MECOM: variants seen among roughly 807,000 people sequenced by gnomAD.
The protein encoded by MECOM is MDS1 and EVI1 complex locus.
MECOM carries 13 observed loss-of-function variants against 116.3 expected under a neutral mutation model. That is an observed-to-expected ratio of 0.11 (90% CI 0.07 to 0.18). The LOEUF (loss-of-function observed/expected upper bound fraction) is 0.18. MECOM is among the 10% of genes least tolerant of loss of function. MECOM has a pLI of 1.00. For missense variants in MECOM, 1,299 were observed against 1,509.0 expected (o/e 0.86, Z 2.31); for synonymous variants, 528 against 535.2 (o/e 0.99, Z 0.19).
intron 1 of MECOM, among the ~76,000 whole-genome samples, chr3:169,573,260 G>T (rs1764133565): frequency 6.6e-6 from 1 of 152,192 alleles, no homozygotes; most frequent in Non-Finnish European, 1.5e-5. Flanking sequence ...TCCATGCCTT[G>T]TTCGGAAGAA....
chr3:169,394,184 G>C (rs1332237534), intron 1 of MECOM, among the ~76,000 whole-genome samples: 3 of 152,092 alleles, frequency 2.0e-5, no homozygotes, highest in Non-Finnish European at 2.9e-5. Context: ...TAACAACTAT[G>C]ATCCAACATA....
rs1251037633 is a variant in MECOM at position 169,089,133 on chromosome 3, C to T, written c.3452G>A (p.Arg1151Lys). 2 of 1,598,402 alleles carry T rather than the reference C, an allele frequency of 1.3e-6. No homozygotes were observed. The highest frequency in any genetic ancestry group is 1.7e-6 in the Non-Finnish European group (2 of 1,173,416). ...CATTTTGAGGCTATCTGTGAAGTGC[C>T]TTATATGATCTAGAGCAGAAAGTCC... ...KSGLSALDHI[R>K]HFTDSLKMRK... Residue 1151 changes from arginine to lysine, a missense_variant, in exon 16 of 17, where the codon AGG (arginine) becomes AAG (lysine). Physicochemically the swap from Arg to Lys is conservative, Grantham distance 26. Around this residue, in one of 6 missense-constraint regions of MECOM, gnomAD observed 273 missense variants for 289.3 expected, o/e 0.94. Coordinates refer to ENST00000651503, the MANE Select transcript of MECOM (RefSeq NM_004991.4).
intron 1 of MECOM, among the ~76,000 whole-genome samples, chr3:169,405,724 G>T (rs530688808): frequency 1.3e-5 from 2 of 152,236 alleles, no homozygotes; most frequent in African/African-American, 4.8e-5. Context: ...GTACTTAACT[G>T]TTCCCCTTCC....
chr3:169,527,499 C>T (rs773571143), intron 1 of MECOM, among the ~76,000 whole-genome samples: 21 of 152,194 alleles, frequency 1.4e-4, no homozygotes, highest in Non-Finnish European at 2.5e-4. Context: ...TTAATCTAAA[C>T]GTGATGGCTT....
intron 1 of MECOM, among the ~76,000 whole-genome samples, chr3:169,528,945 A>G (rs1758268523): frequency 6.6e-6 from 1 of 152,244 alleles, no homozygotes; most frequent in East Asian, 1.9e-4. Context: ...CTTTAAGAGC[A>G]TCTCTTAAAT....
At chr3:169,312,687 T>A (rs965010047) in intron 2 of MECOM, among the ~76,000 whole-genome samples, 4 of 151,894 alleles carry the variant, frequency 2.6e-5, no homozygotes, top group Non-Finnish European at 5.9e-5. Flanking sequence ...CAACTCCAAT[T>A]TTTTTTTACC....
intron 1 of MECOM, among the ~76,000 whole-genome samples, chr3:169,436,705 C>T (rs1742722095): frequency 6.6e-6 from 1 of 152,082 alleles, no homozygotes; most frequent in African/African-American, 2.4e-5. Context: ...CAGTAACTAA[C>T]ACATAATTAG....
chr3:169,361,940 A>T (rs568977910), intron 2 of MECOM, among the ~76,000 whole-genome samples: 6 of 151,878 alleles, frequency 4.0e-5, no homozygotes, highest in Non-Finnish European at 4.4e-5. Flanking sequence ...CTCTTAAAAC[A>T]AAGCTTTGGT....
At chr3:169,146,563 A>C in intron 2 of MECOM, 2 of 1,376,262 alleles carry the variant, frequency 1.5e-6, no homozygotes, top group South Asian at 1.1e-5. Context: ...TTAGCAACGT[A>C]GATAAGCAGC....
intron 1 of MECOM, among the ~76,000 whole-genome samples, chr3:169,546,618 C>A (rs1485962153): frequency 1.3e-5 from 2 of 152,182 alleles, no homozygotes; most frequent in African/African-American, 4.8e-5. Flanking sequence ...TGCAGCTCTC[C>A]TGGTAGTGTG....
At chr3:169,492,550 T>A (rs1753223284) in intron 1 of MECOM, among the ~76,000 whole-genome samples, 1 of 152,160 alleles carries the variant, frequency 6.6e-6, no homozygotes, top group African/African-American at 2.4e-5. Context: ...CAAAATAATA[T>A]TAAAGATCAA....
At chr3:169,604,001 C>CT (rs1281522850) in intron 1 of MECOM, among the ~76,000 whole-genome samples, 3 of 152,086 alleles carry the variant, frequency 2.0e-5, no homozygotes, top group African/African-American at 7.2e-5. Flanking sequence ...GCCCTGGATT[C>CT]TTTAGGGACA....
At chr3:169,157,301 C>T (rs958823040) in intron 2 of MECOM, among the ~76,000 whole-genome samples, 5 of 152,208 alleles carry the variant, frequency 3.3e-5, no homozygotes, top group African/African-American at 1.2e-4. Context: ...ATGTCTGTTA[C>T]AGCGTTAAGA....
chr3:169,372,048 T>G (rs138433072), intron 2 of MECOM, among the ~76,000 whole-genome samples: 50 of 152,226 alleles, frequency 3.3e-4, no homozygotes, highest in African/African-American at 1.1e-3. Context: ...GATTCAAAAT[T>G]AGTTAATGAA....
At chr3:169,499,346 C>CAAAAAAAAAAAAAAAAAAAAAAAAAAAA (rs60302997) in intron 1 of MECOM, among the ~76,000 whole-genome samples, 1 of 51,568 alleles carries the variant, frequency 1.9e-5, no homozygotes, top group Non-Finnish European at 3.6e-5. Flanking sequence ...AGATTACCCA[C>CAAAAAAAAAAAAAAAAAAAAAAAAAAAA]AAAAAAAAAA....
chr3:169,138,092 C>T (rs1364319779), intron 3 of MECOM, among the ~76,000 whole-genome samples: 2 of 152,054 alleles, frequency 1.3e-5, no homozygotes, highest in Non-Finnish European at 2.9e-5. Flanking sequence ...TGGCTGGAGG[C>T]TTCTCTTGTG....
intron 1 of MECOM, among the ~76,000 whole-genome samples, chr3:169,422,540 A>C (rs1481021243): frequency 6.6e-6 from 1 of 152,082 alleles, no homozygotes; most frequent in Non-Finnish European, 1.5e-5. Context: ...TAGAACCCAA[A>C]AGCTTTTGTC....
intron 1 of MECOM, among the ~76,000 whole-genome samples, chr3:169,467,962 C>A (rs955636463): frequency 6.6e-6 from 1 of 152,122 alleles, no homozygotes; most frequent in Admixed American, 6.6e-5. Flanking sequence ...ACGTTTGGTG[C>A]TTTGCATTAT....
intron 1 of MECOM, among the ~76,000 whole-genome samples, chr3:169,642,586 A>G (rs577744168): frequency 6.6e-6 from 1 of 152,190 alleles, no homozygotes; most frequent in Non-Finnish European, 1.5e-5. Flanking sequence ...AAGATAAAAG[A>G]GCAAAAATCT....
Sources: gnomAD v4.1 joint callset for allele counts (sites outside exome capture counted in the v4.1 genomes callset) on GRCh38, gnomAD v4.1.1 for gene constraint, gnomAD v4.1.1 regional missense constraint, MANE v1.5 for transcripts, NCBI Gene and HGNC (gene_info 2026-07-23, HGNC 2026-07-21) for gene names.